Variants in CREB3L2 observed in about 807,000 individuals in gnomAD.
CREB3L2 encodes cAMP responsive element binding protein 3 like 2.
In CREB3L2, 23 loss-of-function variants were observed where a neutral mutation model predicts 57.2. The ratio of observed to expected loss-of-function variants is 0.40; its 90% CI spans 0.29 to 0.57. CREB3L2 has a LOEUF of 0.57. CREB3L2 is among the 20% of genes least tolerant of loss of function. The probability of loss-of-function intolerance (pLI) is 0.42; values close to 1 mark genes in which losing one functional copy is unlikely to be tolerated. For synonymous variants in CREB3L2, 268 were observed against 265.1 expected, an observed-to-expected ratio of 1.01 and a Z score of -0.11; for missense variants, 628 against 634.7, an observed-to-expected ratio of 0.99 and a Z score of 0.11.
chr7:137,984,512 C>T (rs978458376), intron 1 of CREB3L2, among the ~76,000 whole-genome samples: 1 of 152,210 alleles, frequency 6.6e-6, no homozygotes, highest in Admixed American at 6.5e-5. Context: ...GGAAGGGCCC[C>T]GTTGGCCCTG....
rs1051422510 is a variant in CREB3L2 at position 137,968,292 on chromosome 7, T to C, written c.102+33312A>G. Among the ~76,000 whole-genome samples the C allele has an allele frequency of 6.6e-5, 10 of 152,052 alleles. No homozygotes were observed. The South Asian group carries it at 1.5e-3, about 22-fold the overall frequency. ...TTGTTACATAGGTATACATGTGCCA[T>C]GTGGGTTTGCTGCACCCATTAAGTT... is the stretch of plus-strand genomic sequence containing the variant. On this transcript the variant is annotated intron_variant, in intron 1 of 11. Transcript: ENST00000330387.
chr7:138,000,684 A>G (rs1262275937), intron 1 of CREB3L2, among the ~76,000 whole-genome samples: 2 of 151,566 alleles, frequency 1.3e-5, no homozygotes, highest in East Asian at 3.9e-4. Flanking sequence ...GTCCCCCCTC[A>G]CCCCAGCCCC....
intron 2 of CREB3L2, among the ~76,000 whole-genome samples, chr7:137,919,976 A>C (rs1171802021): frequency 6.6e-6 from 1 of 152,210 alleles, no homozygotes; most frequent in African/African-American, 2.4e-5. Flanking sequence ...TTGGATGAAC[A>C]CACAGGGACA....
chr7:137,905,520 G>T (rs970041437), intron 6 of CREB3L2, among the ~76,000 whole-genome samples, 182 bp downstream of exon 6: 2 of 151,992 alleles, frequency 1.3e-5, no homozygotes, highest in Admixed American at 6.6e-5. Flanking sequence ...GATGGGATGG[G>T]CTGGAGGAAG....
At chr7:137,927,853 G>T (rs1242002173) in intron 2 of CREB3L2, among the ~76,000 whole-genome samples, 2 of 151,590 alleles carry the variant, frequency 1.3e-5, no homozygotes, top group African/African-American at 4.8e-5. Context: ...GGAATGACCA[G>T]CCAGATAGGC....
In CREB3L2 at chr7:138,001,129, G is replaced by A. The variant is rs1404977623; in HGVS notation, c.102+475C>T. On this transcript the variant is annotated intron_variant, in intron 1 of 11. Transcript: ENST00000330387. The surrounding 1 kb of genome is among the most constrained non-coding windows in gnomAD (Gnocchi z 4.2). Reference sequence around the variant, plus strand: ...CACACACACACACACACACACACGTGTACTTTTTAAAATATAAATATGAAA... The same window carrying A: ...CACACACACACACACACACACACGTATACTTTTTAAAATATAAATATGAAA... 9.4e-6 allele frequency among the ~76,000 whole-genome samples: 1 copy of A among 106,086 alleles called. No homozygotes were observed. The allele number at this position is 106,086 out of a possible 152,430, so 69.6% of individuals were successfully genotyped here.
rs868236935 is a variant in CREB3L2 at position 137,887,637 on chromosome 7, A to G, written c.1044-2135T>C. Among the ~76,000 whole-genome samples the G allele has an allele frequency of 4.8e-4, 73 of 152,182 alleles. No individual in the cohort carries two copies. The Middle Eastern group carries it at 0.02, about 43-fold the overall frequency. Reference sequence around the variant, plus strand: ...GGCAGGAGAATCGCTTGAACCCAGGAGGCAGAGGTTGTAGTAAGCTGGGAT... The same window carrying G: ...GGCAGGAGAATCGCTTGAACCCAGGGGGCAGAGGTTGTAGTAAGCTGGGAT... On this transcript the variant is annotated intron_variant, in intron 8 of 11. Coordinates refer to ENST00000330387, the MANE Select transcript of CREB3L2 (RefSeq NM_194071.4).
rs1400289401 is a variant in CREB3L2 at position 137,922,408 on chromosome 7, ATATATATG to A, written c.319+5734_319+5741del. Reference sequence around the variant, plus strand: ...TGTATATATATATATATATATATATATATATATGTATATATATATATATATATACGTAT... The same window carrying A: ...TGTATATATATATATATATATATATATATATATATATATATATATACGTAT... On this transcript the variant is annotated intron_variant, in intron 2 of 11. Transcript: ENST00000330387. Among the ~76,000 whole-genome samples the A allele has an allele frequency of 8.2e-3, 237 of 29,016 alleles. 8 individuals are homozygous for A. The East Asian group carries it at 0.18, about 21-fold the overall frequency. 19.0% of individuals were successfully genotyped at this position (29,016 alleles called of 152,430 possible). A position where few individuals can be genotyped will look rare whatever the true frequency, so the allele number is the denominator to read the frequency against.
intron 1 of CREB3L2, among the ~76,000 whole-genome samples, chr7:137,984,424 C>T (rs1801761399): frequency 6.6e-6 from 1 of 152,216 alleles, no homozygotes; most frequent in Non-Finnish European, 1.5e-5. Flanking sequence ...CTTTCTTCCA[C>T]CAGTGAGGCT....
Position 137,954,865 on chromosome 7 carries a change from C to A in CREB3L2, c.103-26499G>T, listed in dbSNP as rs975891372. Reference sequence around the variant, plus strand: ...ACAGAAGTCGGAACAACTGCCCAACCTACAAAGGAATAGAAAGAAGACTAC... The same window carrying A: ...ACAGAAGTCGGAACAACTGCCCAACATACAAAGGAATAGAAAGAAGACTAC... On this transcript the variant is annotated intron_variant, in intron 1 of 11. Transcript: ENST00000330387. Among the ~76,000 whole-genome samples the A allele has an allele frequency of 3.3e-5, 5 of 152,134 alleles. No individual in the cohort carries two copies. In the East Asian group the frequency reaches 7.7e-4, roughly 23 times the overall value.
rs1799221331 is a variant in CREB3L2 at position 137,879,018 on chromosome 7, C to T, written c.*1458G>A. On this transcript the variant is annotated 3_prime_UTR_variant, in exon 12 of 12. Transcript: ENST00000330387. Reference sequence around the variant, plus strand: ...GCTGCTAATAAAAATAAAATACAAACTCTATGCACATTTCCTACACAAAAT... The same window carrying T: ...GCTGCTAATAAAAATAAAATACAAATTCTATGCACATTTCCTACACAAAAT... 4 of 431,296 alleles carry T rather than the reference C, an allele frequency of 9.3e-6. No homozygotes were observed. Among genetic ancestry groups the T allele is most frequent in the Middle Eastern group, 6.7e-4 (1 of 1,482 alleles). The allele number at this position is 431,296 out of a possible 1,614,324, so 26.7% of individuals were successfully genotyped here.
chr7:137,909,305 G>A (rs994449903), intron 4 of CREB3L2, among the ~76,000 whole-genome samples: 2 of 152,182 alleles, frequency 1.3e-5, no homozygotes, highest in East Asian at 3.9e-4. Context: ...TCCTCAAGGA[G>A]GCACAACACC....
At chr7:137,899,160 G>C (rs2117196192) in intron 8 of CREB3L2, among the ~76,000 whole-genome samples, 1 of 93,306 alleles carries the variant, frequency 1.1e-5, no homozygotes, top group Admixed American at 1.3e-4. Flanking sequence ...AAGGAAGGAA[G>C]GAAGGAAGGA....
chr7:137,911,106 G>C (rs1799996406), intron 4 of CREB3L2, among the ~76,000 whole-genome samples: 1 of 152,200 alleles, frequency 6.6e-6, no homozygotes, highest in South Asian at 2.1e-4. Context: ...AGATGCATTT[G>C]ATAGTAATAA....
chr7:137,901,860 A>G (rs188872457), intron 7 of CREB3L2, among the ~76,000 whole-genome samples: 30 of 114,384 alleles, frequency 2.6e-4, no homozygotes, highest in African/African-American at 8.1e-4. Context: ...CTTGTGACAG[A>G]GCAAGATCTG....
chr7:137,911,712 T>A (rs1400634795), intron 4 of CREB3L2, among the ~76,000 whole-genome samples: 1 of 151,984 alleles, frequency 6.6e-6, no homozygotes, highest in Non-Finnish European at 1.5e-5. Context: ...GTGGTGCATG[T>A]CTGCAGTCCC....
In CREB3L2 at chr7:137,905,836, A is replaced by T; in HGVS notation, c.781T>A (p.Ser261Thr). The change falls in exon 6 of 12, where the codon TCA becomes ACA. Residue 261 changes from serine to threonine, a missense_variant. Ser to Thr is a moderately conservative substitution (Grantham distance 58). Around this residue, in one of 3 missense-constraint regions of CREB3L2, gnomAD observed 339 missense variants for 355.4 expected, o/e 0.95. Transcript: ENST00000330387. ...TCCTCTGTCAGGACCAGAGGGCCTG[A>T]TCCCTGCAGTTTCTGTGCAGACCAA... Reference protein sequence around the residue: ...LLTAPHKLQGSGPLVLTEEEK... With the variant: ...LLTAPHKLQGTGPLVLTEEEK... The T allele has an allele frequency of 1.2e-6, 2 of 1,611,856 alleles. No homozygotes were observed. Among genetic ancestry groups the T allele is most frequent in the East Asian group, 2.2e-5 (1 of 44,858 alleles).
intron 1 of CREB3L2, among the ~76,000 whole-genome samples, chr7:137,943,261 C>T (rs1283819867): frequency 6.6e-6 from 1 of 152,176 alleles, no homozygotes; most frequent in East Asian, 1.9e-4. Flanking sequence ...AAGAGTAAAA[C>T]AGCCTGAAAA....
At chr7:137,933,572 T>G (rs1209655302) in intron 1 of CREB3L2, among the ~76,000 whole-genome samples, 3 of 152,360 alleles carry the variant, frequency 2.0e-5, no homozygotes, top group South Asian at 4.1e-4. Flanking sequence ...CATTCAGCAC[T>G]AACGATAGAC....
Sources: allele counts gnomAD v4.1 joint callset (sites outside exome capture counted in the v4.1 genomes callset), GRCh38; gene constraint gnomAD v4.1.1; regional missense constraint gnomAD v4.1.1; non-coding constraint Gnocchi (gnomAD v3.1); transcripts MANE v1.5; gene names NCBI Gene and HGNC (gene_info 2026-07-23, HGNC 2026-07-21).